Variants in TGFBR2 observed in about 807,000 individuals in gnomAD.
TGFBR2 encodes transforming growth factor beta receptor 2, also known as TGF-beta receptor type-2.
Under a neutral mutation model 49.0 loss-of-function variants are expected in TGFBR2, and 18 were observed. That is an observed-to-expected ratio of 0.37 (90% CI 0.25 to 0.54). TGFBR2 has a LOEUF of 0.54. Ranked by LOEUF, TGFBR2 falls within the 20% of genes least tolerant of loss-of-function variation. The pLI, the probability that TGFBR2 is intolerant of heterozygous loss-of-function variation, is 0.85. For synonymous variants in TGFBR2, 282 were observed against 275.9 expected (o/e 1.02, Z -0.22); for missense variants, 525 against 722.6 (o/e 0.73, Z 3.13).
chr3:30,648,711 C>T (rs569497312), intron 2 of TGFBR2, among the ~76,000 whole-genome samples: 48 of 152,104 alleles, frequency 3.2e-4, no homozygotes, highest in Middle Eastern at 3.4e-3. Flanking sequence ...TTGTGTCTTT[C>T]GGAATTCTAG....
intron 1 of TGFBR2, among the ~76,000 whole-genome samples, chr3:30,618,429 G>A (rs1412606165): frequency 1.3e-5 from 2 of 151,716 alleles, no homozygotes; most frequent in East Asian, 2.0e-4. Flanking sequence ...GTAGAGACAC[G>A]GTTTCACCAT....
Position 30,691,621 on chromosome 3 carries a change from C to T in TGFBR2, c.*22C>T. 1.9e-6 allele frequency: 3 copies of T among 1,613,900 alleles called. No individual in the cohort carries two copies. The highest frequency in any genetic ancestry group is 2.5e-6 in the Non-Finnish European group (3 of 1,179,862). Reference sequence around the variant, plus strand: ...ATAGCTCTTCTGGGGCAGGCTGGGCCATGTCCAAAGAGGCTGCCCCTCTCA... The same window carrying T: ...ATAGCTCTTCTGGGGCAGGCTGGGCTATGTCCAAAGAGGCTGCCCCTCTCA... On this transcript the variant is annotated 3_prime_UTR_variant, in exon 7 of 7. Transcript: ENST00000295754.
At chr3:30,691,348 G>T in intron 6 of TGFBR2, 72 bp from the exon 7 acceptor site, 8 of 1,560,008 alleles carry the variant, frequency 5.1e-6, no homozygotes, top group African/African-American at 1.4e-5. Flanking sequence ...TAGCAACAAG[G>T]TCAGCAGGCC....
chr3:30,628,431 A>T (rs1294627472), intron 1 of TGFBR2, among the ~76,000 whole-genome samples: 2 of 133,448 alleles, frequency 1.5e-5, no homozygotes, highest in Non-Finnish European at 3.1e-5. Context: ...CACCTTGGTC[A>T]CCTCTGTGCT....
intron 1 of TGFBR2, among the ~76,000 whole-genome samples, chr3:30,623,575 C>T (rs1698275554): frequency 6.6e-6 from 1 of 152,132 alleles, no homozygotes; most frequent in Admixed American, 6.5e-5. Flanking sequence ...CTTATGGGGA[C>T]AGCTTCTCTT....
chr3:30,629,387 C>T (rs1187232571), intron 1 of TGFBR2, among the ~76,000 whole-genome samples: 1 of 152,170 alleles, frequency 6.6e-6, no homozygotes, highest in Non-Finnish European at 1.5e-5. Context: ...GAACCAGCTC[C>T]TCCCAGTGGG....
intron 1 of TGFBR2, among the ~76,000 whole-genome samples, chr3:30,613,746 A>G (rs1267243967): frequency 6.6e-6 from 1 of 152,222 alleles, no homozygotes; most frequent in Non-Finnish European, 1.5e-5. Context: ...CTGGTCTTCC[A>G]AGACATTGAA....
At chr3:30,670,153 T>C (rs1359444060) in intron 3 of TGFBR2, among the ~76,000 whole-genome samples, 1 of 152,168 alleles carries the variant, frequency 6.6e-6, no homozygotes, top group Non-Finnish European at 1.5e-5. Context: ...GTAGATCATA[T>C]ATTCTTTCTC....
chr3:30,617,082 GAA>G lies in TGFBR2; in HGVS notation c.94+10116_94+10117del, dbSNP rs71093915. 5.0e-4 allele frequency among the ~76,000 whole-genome samples: 73 copies of G among 147,168 alleles called. 1 individual carries two copies. In the East Asian group the frequency reaches 7.8e-3, roughly 16 times the overall value. On this transcript the variant is annotated intron_variant, in intron 1 of 6. Transcript: ENST00000295754. ...CTAAAGGAACTTTCATATTTTTTGG[GAA>G]AAAAAAAAAAGGAAACTTGTCTAGA...
chr3:30,650,843 T>G lies in TGFBR2; in HGVS notation c.454+383T>G, dbSNP rs540720309. 1.3e-4 allele frequency among the ~76,000 whole-genome samples: 20 copies of G among 152,274 alleles called. No individual in the cohort carries two copies. In the South Asian group the frequency reaches 4.1e-3, roughly 32 times the overall value. Reference sequence around the variant, plus strand: ...CAGCTATCTGTATTTTAACAAGCCCTCCCAGTAATTCTGTGCAGCTAAAAT... The same window carrying G: ...CAGCTATCTGTATTTTAACAAGCCCGCCCAGTAATTCTGTGCAGCTAAAAT... On this transcript the variant is annotated intron_variant, in intron 3 of 6. Transcript: ENST00000295754.
intron 1 of TGFBR2, among the ~76,000 whole-genome samples, chr3:30,608,085 C>T (rs957001622): frequency 2.0e-5 from 3 of 151,462 alleles, no homozygotes; most frequent in Non-Finnish European, 1.5e-5. Flanking sequence ...ATTACAGGCG[C>T]GTGCCACCAC....
At position 30,671,918 on chromosome 3, in the gene TGFBR2, G is replaced by A; in HGVS notation, c.735G>A (p.Glu245=). Residue 245 remains glutamate, a synonymous_variant, in exon 4 of 7, where the codon GAG becomes GAA. Transcript: ENST00000295754. ...ACAACACAGAGCTGCTGCCCATTGA[G>A]CTGGACACCCTGGTGGGGAAAGGTC... ...INHNTELLPI[E]LDTLVGKGRF... The A allele has an allele frequency of 6.2e-7, 1 of 1,614,230 alleles. No homozygotes were observed. The highest frequency in any genetic ancestry group is 8.5e-7 in the Non-Finnish European group (1 of 1,180,048).
intron 1 of TGFBR2, among the ~76,000 whole-genome samples, chr3:30,639,582 A>G (rs1698607085): frequency 6.6e-6 from 1 of 152,206 alleles, no homozygotes; most frequent in Non-Finnish European, 1.5e-5. Context: ...TTGTGTATTA[A>G]TATTTGAGAA....
intron 1 of TGFBR2, among the ~76,000 whole-genome samples, chr3:30,627,651 T>C (rs1198282000): frequency 6.6e-6 from 1 of 151,854 alleles, no homozygotes. Context: ...ATACCTGGGC[T>C]GTGTTAAGGT....
At chr3:30,627,134 T>C (rs1373229913) in intron 1 of TGFBR2, among the ~76,000 whole-genome samples, 1 of 152,188 alleles carries the variant, frequency 6.6e-6, no homozygotes, top group African/African-American at 2.4e-5. Context: ...GGACTTTCAG[T>C]ATCCCCCAAT....
chr3:30,671,449 C>G (rs1320830505), intron 3 of TGFBR2, among the ~76,000 whole-genome samples, 189 bp from the exon 4 acceptor site: 1 of 152,174 alleles, frequency 6.6e-6, no homozygotes, highest in Non-Finnish European at 1.5e-5. Flanking sequence ...GGATGACGAA[C>G]AGATGGCCAG....
At chr3:30,630,012 G>A (rs1270214574) in intron 1 of TGFBR2, among the ~76,000 whole-genome samples, 1 of 152,046 alleles carries the variant, frequency 6.6e-6, no homozygotes, top group Non-Finnish European at 1.5e-5. Flanking sequence ...CTCCCCCATG[G>A]TTTCTCATTT....
At chr3:30,686,502 T>C (rs1172351410) in intron 5 of TGFBR2, among the ~76,000 whole-genome samples, 1 of 152,116 alleles carries the variant, frequency 6.6e-6, no homozygotes, top group Non-Finnish European at 1.5e-5. Context: ...GCTCTACTAT[T>C]TGGTGAAGCT....
At chr3:30,637,249 A>G (rs1459564927) in intron 1 of TGFBR2, among the ~76,000 whole-genome samples, 1 of 152,160 alleles carries the variant, frequency 6.6e-6, no homozygotes, top group Admixed American at 6.5e-5. Context: ...GGGAGAAACC[A>G]TAGTGCAGAT....
Sources: allele counts gnomAD v4.1 joint callset (sites outside exome capture counted in the v4.1 genomes callset), GRCh38; gene constraint gnomAD v4.1.1; transcripts MANE v1.5; gene names NCBI Gene and HGNC (gene_info 2026-07-23, HGNC 2026-07-21).